The following CDK14 variants were observed in gnomAD, a reference collection of about 807,000 sequenced individuals.
CDK14 encodes the protein cyclin dependent kinase 14.
Under a neutral mutation model 60.7 loss-of-function variants are expected in CDK14, and 34 were observed. The ratio of observed to expected loss-of-function variants is 0.56; its 90% CI spans 0.43 to 0.75. The LOEUF is 0.75. Among genes scored for constraint, CDK14 ranks in the 30% least tolerant of loss-of-function variants. CDK14 has a pLI of 0.00. For synonymous variants in CDK14, 197 were observed against 203.7 expected (o/e 0.97, Z 0.28); for missense variants, 482 against 564.1 (o/e 0.85, Z 1.47).
intron 2 of CDK14, among the ~76,000 whole-genome samples, chr7:90,697,168 G>A (rs529226908): frequency 3.3e-5 from 5 of 152,058 alleles, no homozygotes; most frequent in Admixed American, 1.3e-4. Context: ...AGCTGAGAGC[G>A]GTTCAGAATC....
chr7:90,976,628 G>A (rs1386632101), intron 9 of CDK14, among the ~76,000 whole-genome samples: 1 of 151,922 alleles, frequency 6.6e-6, no homozygotes, highest in Non-Finnish European at 1.5e-5. Flanking sequence ...CTTCCAAACT[G>A]CTGGGATTAC....
chr7:90,881,728 C>G (rs1584082182), intron 6 of CDK14, among the ~76,000 whole-genome samples: 4 of 152,274 alleles, frequency 2.6e-5, no homozygotes, highest in Admixed American at 2.6e-4. Flanking sequence ...CTAAGACTAA[C>G]AGTGGAACTC....
At chr7:90,986,635 A>C (rs1795379343) in intron 10 of CDK14, among the ~76,000 whole-genome samples, 1 of 152,034 alleles carries the variant, frequency 6.6e-6, no homozygotes, top group African/African-American at 2.4e-5. Context: ...TTTCTTAAAA[A>C]TATAAACTGT....
At chr7:90,657,201 A>G (rs1024580451) in intron 2 of CDK14, among the ~76,000 whole-genome samples, 3 of 152,228 alleles carry the variant, frequency 2.0e-5, no homozygotes, top group African/African-American at 4.8e-5. Flanking sequence ...GGACTATTCA[A>G]TAGCCCAAAT....
chr7:90,846,734 C>A (rs1309023395), intron 5 of CDK14, among the ~76,000 whole-genome samples: 1 of 152,112 alleles, frequency 6.6e-6, no homozygotes, highest in Non-Finnish European at 1.5e-5. Flanking sequence ...GTGGGCCCAT[C>A]ACTTCCCTCG....
intron 14 of CDK14, among the ~76,000 whole-genome samples, chr7:91,163,634 T>TA (rs1157279247): frequency 6.6e-6 from 1 of 152,198 alleles, no homozygotes; most frequent in Non-Finnish European, 1.5e-5. Flanking sequence ...AATTTACTCT[T>TA]ACTTTGAAAT....
chr7:91,166,886 GCAACCGCCCA>G (rs1334766981), intron 14 of CDK14, among the ~76,000 whole-genome samples: 1 of 152,182 alleles, frequency 6.6e-6, no homozygotes, highest in East Asian at 1.9e-4. Context: ...ACCAGTGAGG[GCAACCGCCCA>G]GGCCCTCACT....
intron 2 of CDK14, among the ~76,000 whole-genome samples, chr7:90,620,551 C>T (rs1799745030): frequency 2.0e-5 from 3 of 152,158 alleles, no homozygotes; most frequent in Admixed American, 6.5e-5. Context: ...CTAGTAGTCT[C>T]CTTTTCCTTA....
chr7:90,719,652 A>C (rs1016824055), intron 2 of CDK14, among the ~76,000 whole-genome samples: 4 of 152,196 alleles, frequency 2.6e-5, no homozygotes, highest in African/African-American at 9.6e-5. Context: ...CTTCAGATGA[A>C]TATCCATATG....
At chr7:90,672,536 TAATAA>T (rs1563039679) in intron 2 of CDK14, among the ~76,000 whole-genome samples, 93 of 101,662 alleles carry the variant, frequency 9.1e-4, no homozygotes, top group Middle Eastern at 6.6e-3. Context: ...TTTTTTTTTT[TAATAA>T]TTTGGTCTCA....
intron 2 of CDK14, among the ~76,000 whole-genome samples, chr7:90,641,507 A>T (rs1010344533): frequency 6.6e-6 from 1 of 152,226 alleles, no homozygotes; most frequent in Non-Finnish European, 1.5e-5. Context: ...ATGTTAAGTG[A>T]AAGAAGCTAG....
chr7:90,800,133 CCTT>C (rs1325959991), intron 5 of CDK14, among the ~76,000 whole-genome samples: 2 of 152,090 alleles, frequency 1.3e-5, no homozygotes, highest in Admixed American at 1.3e-4. Context: ...GCTTTATCCA[CCTT>C]CTCTCTCTTC....
intron 5 of CDK14, among the ~76,000 whole-genome samples, chr7:90,797,476 G>A (rs1467983698): frequency 3.9e-5 from 6 of 151,940 alleles, no homozygotes; most frequent in Non-Finnish European, 7.4e-5. Context: ...CTAAAGGTCA[G>A]GACTTCAACA....
At chr7:90,811,891 G>C (rs1357148682) in intron 5 of CDK14, among the ~76,000 whole-genome samples, 1 of 152,214 alleles carries the variant, frequency 6.6e-6, no homozygotes. Flanking sequence ...GGCCATCAGA[G>C]AAATGCAAAT....
At chr7:90,790,426 C>G (rs530263063) in intron 4 of CDK14, 147 bp from the exon 5 acceptor site, 1 of 507,340 alleles carries the variant, frequency 2.0e-6, no homozygotes, top group African/African-American at 1.9e-5. Flanking sequence ...AATTCCCAGC[C>G]GAAACCTTGC....
In CDK14 at chr7:90,986,061, G is replaced by A. The variant is rs141623869; in HGVS notation, c.1041+1820G>A. Among the ~76,000 whole-genome samples, 263 of 152,022 alleles carry A rather than the reference G, an allele frequency of 1.7e-3. 1 individual carries two copies. The highest frequency in any genetic ancestry group is 6.8e-3 in the Middle Eastern group (2 of 294). On this transcript the variant is annotated intron_variant, in intron 10 of 14. Transcript: ENST00000380050. ...TATCTTCTATAGAGTTTTTCTATAT[G>A]TATTTGAAAAAATTGAATCATATCT...
intron 4 of CDK14, among the ~76,000 whole-genome samples, chr7:90,764,152 A>T (rs192364254): frequency 1.0e-3 from 153 of 152,288 alleles, no homozygotes; most frequent in African/African-American, 3.4e-3. Flanking sequence ...TGTAATGCAG[A>T]TTTGTGAATT....
intron 5 of CDK14, among the ~76,000 whole-genome samples, chr7:90,858,291 G>T (rs749615859): frequency 1.3e-5 from 2 of 152,168 alleles, no homozygotes; most frequent in Non-Finnish European, 2.9e-5. Flanking sequence ...AACACAGTAG[G>T]AAATGATGGG....
chr7:91,017,015 T>C (rs1039183396), intron 10 of CDK14, among the ~76,000 whole-genome samples: 1 of 152,210 alleles, frequency 6.6e-6, no homozygotes, highest in Non-Finnish European at 1.5e-5. Context: ...CCTATGGGGC[T>C]CTTTTTTGAC....
Sources: allele counts gnomAD v4.1 joint callset (sites outside exome capture counted in the v4.1 genomes callset), GRCh38; gene constraint gnomAD v4.1.1; transcripts MANE v1.5; gene names NCBI Gene and HGNC (gene_info 2026-07-23, HGNC 2026-07-21).